Variants in KCND2 observed in about 807,000 individuals in gnomAD.
KCND2 encodes the protein potassium voltage-gated channel subfamily D member 2, also known as A-type voltage-gated potassium channel KCND2.
A neutral mutation model predicts 54.4 loss-of-function variants in KCND2; 16 were observed. The ratio of observed to expected loss-of-function variants is 0.29; its 90% confidence interval spans 0.20 to 0.45. The LOEUF (loss-of-function observed/expected upper bound fraction) is 0.45, where lower values mean the gene tolerates loss of function less well. Ranked by LOEUF, KCND2 falls within the 20% of genes least tolerant of loss-of-function variation. The pLI is 1.00. For missense variants in KCND2, 486 were observed against 824.2 expected, an observed-to-expected ratio of 0.59 and a Z score of 5.02; for synonymous variants, 317 against 310.7, an observed-to-expected ratio of 1.02 and a Z score of -0.21.
At chr7:120,558,325 T>C (rs1584827535) in intron 1 of KCND2, among the ~76,000 whole-genome samples, 1 of 152,270 alleles carries the variant, frequency 6.6e-6, no homozygotes. Flanking sequence ...GTTGCAATCA[T>C]AGGTACTGGG....
chr7:120,623,094 C>T (rs997626834), intron 1 of KCND2, among the ~76,000 whole-genome samples: 1 of 152,048 alleles, frequency 6.6e-6, no homozygotes. Context: ...TAAAACCTGA[C>T]CCAGAAGATA....
intron 1 of KCND2, among the ~76,000 whole-genome samples, chr7:120,313,863 A>G (rs1458714046): frequency 6.6e-6 from 1 of 151,152 alleles, no homozygotes; most frequent in Non-Finnish European, 1.5e-5. Context: ...ATCCCTGTCC[A>G]GGAAGTTGAA....
At chr7:120,526,382 T>C (rs777112842) in intron 1 of KCND2, among the ~76,000 whole-genome samples, 5 of 152,110 alleles carry the variant, frequency 3.3e-5, no homozygotes, top group Non-Finnish European at 5.9e-5. Context: ...ACTCCTAATA[T>C]ACAGAAGAAA....
chr7:120,276,266 C>T (rs1054758754), intron 1 of KCND2, among the ~76,000 whole-genome samples: 1 of 152,020 alleles, frequency 6.6e-6, no homozygotes, highest in African/African-American at 2.4e-5. Context: ...ATGTAATTAT[C>T]AAAGTATTTT....
intron 1 of KCND2, among the ~76,000 whole-genome samples, chr7:120,578,067 A>AAGAAGG (rs1157403504): frequency 2.6e-5 from 4 of 150,992 alleles, no homozygotes; most frequent in African/African-American, 9.7e-5. Flanking sequence ...GAAGAAGAAC[A>AAGAAGG]AGAAGGAGAA....
chr7:120,419,755 A>G (rs914934248), intron 1 of KCND2, among the ~76,000 whole-genome samples: 3 of 152,130 alleles, frequency 2.0e-5, no homozygotes, highest in Non-Finnish European at 2.9e-5. Flanking sequence ...AGGACACAGA[A>G]AAAGATAAAA....
At chr7:120,723,524 A>G (rs936963544) in intron 1 of KCND2, among the ~76,000 whole-genome samples, 2 of 152,172 alleles carry the variant, frequency 1.3e-5, no homozygotes, top group East Asian at 3.9e-4. Context: ...ATTTAAAAGG[A>G]CAAAATCTGC....
intron 1 of KCND2, among the ~76,000 whole-genome samples, chr7:120,485,365 A>G (rs1802678650): frequency 6.6e-6 from 1 of 152,200 alleles, no homozygotes; most frequent in African/African-American, 2.4e-5. Context: ...TGGAGTAAGA[A>G]TATCTCAATT....
At chr7:120,549,039 C>T (rs573125205) in intron 1 of KCND2, among the ~76,000 whole-genome samples, 1 of 152,006 alleles carries the variant, frequency 6.6e-6, no homozygotes, top group Non-Finnish European at 1.5e-5. Context: ...TAAAAGTACT[C>T]TGATGTAGGA....
chr7:120,637,368 A>G (rs1255192657), intron 1 of KCND2, among the ~76,000 whole-genome samples: 1 of 152,168 alleles, frequency 6.6e-6, no homozygotes, highest in Non-Finnish European at 1.5e-5. Flanking sequence ...AAATATGTGG[A>G]TAATTCCTGT....
At chr7:120,315,003 C>CA (rs2116320729) in intron 1 of KCND2, among the ~76,000 whole-genome samples, 1 of 151,838 alleles carries the variant, frequency 6.6e-6, no homozygotes, top group African/African-American at 2.4e-5. Context: ...CACATACACA[C>CA]ACATCTATGG....
intron 1 of KCND2, among the ~76,000 whole-genome samples, chr7:120,325,599 A>C (rs1305019529): frequency 2.0e-5 from 3 of 151,874 alleles, no homozygotes; most frequent in Non-Finnish European, 4.4e-5. Flanking sequence ...ATGCTGGATT[A>C]CATTTATTGA....
At chr7:120,568,552 G>T (rs1020064584) in intron 1 of KCND2, among the ~76,000 whole-genome samples, 4 of 151,996 alleles carry the variant, frequency 2.6e-5, no homozygotes, top group African/African-American at 9.7e-5. Flanking sequence ...TAAAATATGT[G>T]GCAAATGTTC....
At chr7:120,424,980 T>G (rs2116144581) in intron 1 of KCND2, among the ~76,000 whole-genome samples, 1 of 152,344 alleles carries the variant, frequency 6.6e-6, no homozygotes, top group African/African-American at 2.4e-5. Context: ...AAAAAATATT[T>G]CAAGGAAAAG....
rs538005051 is a variant in KCND2 at position 120,516,077 on chromosome 7, T to G, written c.1116-216826T>G. Among the ~76,000 whole-genome samples, 19 of 152,238 alleles carry G rather than the reference T, an allele frequency of 1.2e-4. No homozygotes were observed. In the South Asian group the frequency reaches 3.9e-3, roughly 32 times the overall value. On this transcript the variant is annotated intron_variant, in intron 1 of 5. Transcript: ENST00000331113. ...CTCTAAGATCCTTGAAAATAATATCTTGGTAGGATTCATATTTTGATCTTC... is the reference window on the plus strand; with the variant it reads ...CTCTAAGATCCTTGAAAATAATATCGTGGTAGGATTCATATTTTGATCTTC...
rs190377824 is a variant in KCND2 at position 120,671,487 on chromosome 7, C to T, written c.1116-61416C>T. Among the ~76,000 whole-genome samples, 310 of 152,098 alleles carry T rather than the reference C, an allele frequency of 2.0e-3. 2 individuals carry two copies. The highest frequency in any genetic ancestry group is 6.6e-3 in the African/African-American group (276 of 41,518). On this transcript the variant is annotated intron_variant, in intron 1 of 5. Transcript: ENST00000331113. ...GGGACCTCTGCCATAGATGATCTAC[C>T]TGAGTTCTGGATACAGGAGCCACTC...
At chr7:120,560,197 T>C (rs1037155476) in intron 1 of KCND2, among the ~76,000 whole-genome samples, 1 of 152,204 alleles carries the variant, frequency 6.6e-6, no homozygotes, top group Non-Finnish European at 1.5e-5. Flanking sequence ...CTGCTTAGTT[T>C]CCACAGAAAA....
At chr7:120,492,224 A>C (rs1040955906) in intron 1 of KCND2, among the ~76,000 whole-genome samples, 6 of 152,110 alleles carry the variant, frequency 3.9e-5, no homozygotes, top group African/African-American at 9.7e-5. Flanking sequence ...CTCTGTGGTA[A>C]CATAAAACCA....
At chr7:120,629,469 G>C (rs189546555) in intron 1 of KCND2, among the ~76,000 whole-genome samples, 8 of 152,170 alleles carry the variant, frequency 5.3e-5, no homozygotes, top group Non-Finnish European at 7.3e-5. Flanking sequence ...CTGGGCGACA[G>C]AGCGAGACTC....
Sources: allele counts gnomAD v4.1 joint callset (sites outside exome capture counted in the v4.1 genomes callset), GRCh38; gene constraint gnomAD v4.1.1; transcripts MANE v1.5; gene names NCBI Gene and HGNC (gene_info 2026-07-23, HGNC 2026-07-21).